Variants in TPM2 observed in about 807,000 individuals in gnomAD.
The protein encoded by TPM2 is tropomyosin 2, also known as tropomyosin beta chain.
TPM2 carries 26 observed loss-of-function variants against 41.0 expected under a neutral mutation model. That is an observed-to-expected ratio of 0.63 (90% confidence interval 0.46 to 0.88). TPM2 has a LOEUF of 0.88. Ranked by LOEUF, TPM2 falls within the 40% of genes least tolerant of loss-of-function variation. The pLI, the probability that TPM2 is intolerant of heterozygous loss-of-function variation, is 0.00. For synonymous variants in TPM2, 143 were observed against 139.3 expected, an observed-to-expected ratio of 1.03 and a Z score of -0.19; for missense variants, 187 against 355.2, an observed-to-expected ratio of 0.53 and a Z score of 3.81.
At position 35,684,647 on chromosome 9, in the gene TPM2, G is replaced by A; in HGVS notation, c.639+85C>T. On this transcript the variant is annotated intron_variant, in intron 6 of 8. Transcript: ENST00000645482. ...GGCTCCTGGTCATCTTGCCTCCGTTGAACACCCAGCCCCTCCCTGCCTTGG... is the reference window on the plus strand; with the variant it reads ...GGCTCCTGGTCATCTTGCCTCCGTTAAACACCCAGCCCCTCCCTGCCTTGG... 8 of 1,613,046 alleles carry A rather than the reference G, an allele frequency of 5.0e-6. No individual in the cohort carries two copies. The South Asian group carries it at 7.7e-5, about 16-fold the overall frequency.
At chr9:35,683,906 C>T (rs1391203855) in intron 8 of TPM2, 6 of 381,174 alleles carry the variant, frequency 1.6e-5, no homozygotes, top group Non-Finnish European at 3.0e-5. Context: ...CAGAGTGTGG[C>T]ATGAGGACCA....
intron 8 of TPM2, chr9:35,683,923 T>C (rs1044150925): frequency 2.0e-5 from 8 of 393,412 alleles, no homozygotes; most frequent in African/African-American, 1.4e-4. Context: ...ACCAGCAGCA[T>C]TGGCAGTACC....
intron 2 of TPM2, among the ~76,000 whole-genome samples, chr9:35,687,003 G>C (rs1033187713): frequency 1.3e-5 from 2 of 152,228 alleles, no homozygotes; most frequent in African/African-American, 4.8e-5. Flanking sequence ...TTGAGCCACG[G>C]CTCAGCCACT....
In TPM2 at chr9:35,685,044, A is replaced by G; in HGVS notation, c.563+225T>C. On this transcript the variant is annotated intron_variant, in intron 5 of 8. Transcript: ENST00000645482. The surrounding 1 kb of genome is among the most constrained non-coding windows in gnomAD (Gnocchi z 5.0). ...TGAGAGAAGGCGCCATTGCCCAGAA[A>G]GGTTCAGAGGGGTCACTACCTCCTC... 6.2e-7 allele frequency: 1 copy of G among 1,614,136 alleles called. No homozygotes were observed. Among genetic ancestry groups the G allele is most frequent in the Non-Finnish European group, 8.5e-7 (1 of 1,180,012 alleles).
intron 2 of TPM2, among the ~76,000 whole-genome samples, chr9:35,687,341 A>G (rs553834359): frequency 4.6e-5 from 7 of 152,100 alleles, no homozygotes; most frequent in African/African-American, 9.7e-5. Flanking sequence ...CACTGAGTAC[A>G]TTGCCTGCAC....
chr9:35,689,919 C>G lies in TPM2; in HGVS notation c.-102G>C. ...CCGGTGGCAGGCGAGGAGGACGGAG[C>G]GGGACTGGGACGTCCCGGCCACGCG... On this transcript the variant is annotated 5_prime_UTR_variant, in exon 1 of 9. Coordinates refer to ENST00000645482, the MANE Select transcript of TPM2 (RefSeq NM_003289.4). The G allele has an allele frequency of 3.8e-6, 6 of 1,597,168 alleles. No homozygotes were observed. The highest frequency in any genetic ancestry group is 5.1e-6 in the Non-Finnish European group (6 of 1,174,464).
At position 35,683,098 on chromosome 9, in the gene TPM2, C is replaced by T; in HGVS notation, c.*61G>A. The T allele has an allele frequency of 6.4e-7, 1 of 1,551,756 alleles. No individual in the cohort carries two copies. Among genetic ancestry groups the T allele is most frequent in the African/African-American group, 1.4e-5 (1 of 73,148 alleles). ...TGCTCCTCCTGCCTGCTCCCCTCCCCATAGAGAGAATGGAAAGGAGAGGAG... is the reference window on the plus strand; with the variant it reads ...TGCTCCTCCTGCCTGCTCCCCTCCCTATAGAGAGAATGGAAAGGAGAGGAG... On this transcript the variant is annotated 3_prime_UTR_variant, in exon 9 of 9. Transcript: ENST00000645482.
intron 2 of TPM2, among the ~76,000 whole-genome samples, chr9:35,687,001 C>T (rs1474238758): frequency 6.6e-6 from 1 of 152,250 alleles, no homozygotes; most frequent in Admixed American, 6.5e-5. Context: ...CTTTGAGCCA[C>T]GGCTCAGCCA....
chr9:35,685,691 C>T lies in TPM2; in HGVS notation c.330G>A (p.Leu110=), dbSNP rs1268686702. The change falls in exon 3 of 9, where the codon CTG becomes CTA. Residue 110 remains leucine (L), a synonymous_variant. Coordinates refer to ENST00000645482, the MANE Select transcript of TPM2 (RefSeq NM_003289.4). The surrounding 1 kb of genome is among the most constrained non-coding windows in gnomAD (Gnocchi z 5.0). The stretch of plus-strand genomic sequence containing the variant: ...CCTTCTCGGCCTCCTCCAGCTTCTG[C>T]AGGGCTGTAGCCAGGCGCTCCTGGG... The part of the protein sequence containing the change: ...DRAQERLATA[L]QKLEEAEKAA... 1 of 1,614,174 alleles carries T rather than the reference C, an allele frequency of 6.2e-7. No individual in the cohort carries two copies.
At chr9:35,684,604 T>A in intron 6 of TPM2, 54 bp from the exon 7 acceptor site, 4 of 1,613,666 alleles carry the variant, frequency 2.5e-6, no homozygotes, top group Non-Finnish European at 3.4e-6. Context: ...ATCCTTCATT[T>A]CTCCATTGTA....
Position 35,685,364 on chromosome 9 carries a change from T to TA in TPM2, c.493-26dup. On this transcript the variant is annotated intron_variant, in intron 4 of 8. Coordinates refer to ENST00000645482, the MANE Select transcript of TPM2 (RefSeq NM_003289.4). The surrounding 1 kb of genome is among the most constrained non-coding windows in gnomAD (Gnocchi z 5.0). ...CCTGTGGGGAGTGAGAAAGAGAGGG[T>TA]AGATCAGTGGAGAAGGACTGGGCAT... 2.5e-6 allele frequency: 4 copies of TA among 1,613,882 alleles called. No individual in the cohort carries two copies. Among genetic ancestry groups the TA allele is most frequent in the Non-Finnish European group, 3.4e-6 (4 of 1,179,978 alleles).
At chr9:35,682,016 C>A, downstream of TPM2, 1 of 1,542,370 alleles carries the variant, frequency 6.5e-7, no homozygotes, top group Non-Finnish European at 9.0e-7. Flanking sequence ...CCTTGAGAGG[C>A]TAGTAACATC....
downstream of TPM2, chr9:35,682,385 G>T: frequency 9.5e-7 from 1 of 1,048,252 alleles, no homozygotes; most frequent in Non-Finnish European, 1.4e-6. Context: ...GGTCATAGAG[G>T]TGGGGTGGGG....
At chr9:35,682,921 CA>C, downstream of TPM2, 1 of 1,495,950 alleles carries the variant, frequency 6.7e-7, no homozygotes, top group Non-Finnish European at 9.0e-7. Flanking sequence ...GGCAGGAAAA[CA>C]GCATGGAGAC....
chr9:35,684,838 G>T, intron 5 of TPM2, 31 bp from the exon 6 acceptor site: 1 of 1,613,892 alleles, frequency 6.2e-7, no homozygotes, highest in South Asian at 1.1e-5. Flanking sequence ...GGGGGGCAGG[G>T]TGTGAGGGCA....
downstream of TPM2, chr9:35,682,205 G>GGGGGAGACGT (rs771529046): frequency 1.9e-6 from 3 of 1,606,024 alleles, no homozygotes; most frequent in Non-Finnish European, 2.6e-6. Flanking sequence ...GGAGACACAA[G>GGGGGAGACGT]GGGGAGACGT....
At chr9:35,686,018 A>T (rs536692650) in intron 2 of TPM2, among the ~76,000 whole-genome samples, 34 of 152,344 alleles carry the variant, frequency 2.2e-4, no homozygotes, top group African/African-American at 7.7e-4. Flanking sequence ...TGGGAGGCCG[A>T]GGCGGGTGGA....
At chr9:35,687,683 G>A (rs536733092) in intron 2 of TPM2, among the ~76,000 whole-genome samples, 40 of 152,084 alleles carry the variant, frequency 2.6e-4, no homozygotes, top group Non-Finnish European at 5.1e-4. Flanking sequence ...GACAGCATTG[G>A]GGGTTGGGAA....
At chr9:35,683,531 C>T (rs190196121) in intron 8 of TPM2, among the ~76,000 whole-genome samples, 17 of 152,246 alleles carry the variant, frequency 1.1e-4, no homozygotes, top group African/African-American at 9.6e-5. Context: ...AGCAGGAGTG[C>T]TTGCTTAGAG....
Sources: allele counts gnomAD v4.1 joint callset (sites outside exome capture counted in the v4.1 genomes callset), GRCh38; gene constraint gnomAD v4.1.1; non-coding constraint Gnocchi (gnomAD v3.1); transcripts MANE v1.5; gene names NCBI Gene and HGNC (gene_info 2026-07-23, HGNC 2026-07-21).